TNIK: variants seen among roughly 807,000 people sequenced by gnomAD.
The protein encoded by TNIK is TRAF2 and NCK-interacting protein kinase.
In TNIK, 49 loss-of-function variants were observed where a neutral mutation model predicts 191.3. The ratio of observed to expected loss-of-function variants is 0.26; its 90% CI spans 0.20 to 0.32. TNIK has a LOEUF of 0.32. Ranked by LOEUF, TNIK falls within the 10% of genes least tolerant of loss-of-function variation. The pLI is 1.00. For synonymous variants in TNIK, 594 were observed against 600.9 expected (o/e 0.99, Z 0.17); for missense variants, 1,155 against 1,702.3 (o/e 0.68, Z 5.66).
intron 3 of TNIK, 122 bp downstream of exon 3, chr3:171,228,043 T>A (rs1743162496): frequency 9.1e-7 from 1 of 1,101,792 alleles, no homozygotes; most frequent in Non-Finnish European, 1.3e-6. Context: ...AGGTTATGTG[T>A]ATTAAATGCA....
At chr3:171,132,533 T>C (rs868070652) in intron 15 of TNIK, among the ~76,000 whole-genome samples, 4 of 152,304 alleles carry the variant, frequency 2.6e-5, no homozygotes, top group Middle Eastern at 3.4e-3. Context: ...AACTTAAAAA[T>C]AAATTTGTTA....
At chr3:171,134,450 TTTA>T in intron 15 of TNIK, among the ~76,000 whole-genome samples, 1 of 152,180 alleles carries the variant, frequency 6.6e-6, no homozygotes, top group Non-Finnish European at 1.5e-5. Flanking sequence ...CCAGCTAATT[TTTA>T]TTATTATCTG....
intron 4 of TNIK, among the ~76,000 whole-genome samples, chr3:171,207,658 C>T (rs973587336): frequency 3.9e-5 from 6 of 152,152 alleles, no homozygotes; most frequent in South Asian, 2.1e-4. Flanking sequence ...TCATTCTCTA[C>T]GTGTCATCTG....
At chr3:171,187,411 A>T (rs1232191238) in intron 7 of TNIK, among the ~76,000 whole-genome samples, 1 of 152,168 alleles carries the variant, frequency 6.6e-6, no homozygotes, top group African/African-American at 2.4e-5. Flanking sequence ...ATGGGAGATT[A>T]TTAGGTTTTC....
At chr3:171,229,892 G>GTGTTACCTTGTAAAGAGCCCTGGAACA (rs1743400889) in intron 2 of TNIK, among the ~76,000 whole-genome samples, 2 of 152,180 alleles carry the variant, frequency 1.3e-5, no homozygotes, top group South Asian at 4.1e-4. Context: ...AGAGGATGGC[G>GTGTTACCTTGTAAAGAGCCCTGGAACA]TGTTACCTTG....
At chr3:171,114,496 T>A (rs1166210542) in intron 18 of TNIK, among the ~76,000 whole-genome samples, 2 of 152,212 alleles carry the variant, frequency 1.3e-5, no homozygotes, top group Non-Finnish European at 2.9e-5. Context: ...CCAACTAATT[T>A]CTTTCTGAAA....
intron 21 of TNIK, among the ~76,000 whole-genome samples, chr3:171,102,569 A>AC (rs1723754019): frequency 1.3e-5 from 2 of 152,182 alleles, no homozygotes; most frequent in African/African-American, 2.4e-5. Context: ...GCATGGGTTA[A>AC]ACTGCCCATG....
At chr3:171,296,464 T>C (rs953552548) in intron 2 of TNIK, among the ~76,000 whole-genome samples, 3 of 152,176 alleles carry the variant, frequency 2.0e-5, no homozygotes, top group Non-Finnish European at 2.9e-5. Flanking sequence ...GTTAGTTACA[T>C]TGATTTTAAG....
chr3:171,193,481 C>G (rs1189567420), intron 5 of TNIK, among the ~76,000 whole-genome samples: 1 of 152,098 alleles, frequency 6.6e-6, no homozygotes, highest in Non-Finnish European at 1.5e-5. Flanking sequence ...TTTAATATTT[C>G]TCAGTGATAT....
At chr3:171,194,663 T>C in intron 4 of TNIK, 28 bp from the exon 5 acceptor site, 1 of 1,602,992 alleles carries the variant, frequency 6.2e-7, no homozygotes, top group Non-Finnish European at 8.5e-7. Context: ...CAAGCCATTA[T>C]TTTAATGATG....
At chr3:171,114,598 C>T (rs557017076) in intron 18 of TNIK, among the ~76,000 whole-genome samples, 2 of 152,254 alleles carry the variant, frequency 1.3e-5, no homozygotes, top group South Asian at 2.1e-4. Context: ...CAGTGAAAAA[C>T]GTATGTACAA....
chr3:171,217,422 T>C (rs1741580825), intron 3 of TNIK, among the ~76,000 whole-genome samples: 1 of 152,038 alleles, frequency 6.6e-6, no homozygotes, highest in East Asian at 1.9e-4. Context: ...GGACAAGAGT[T>C]AAAACTGACT....
intron 2 of TNIK, among the ~76,000 whole-genome samples, chr3:171,286,357 CTG>C (rs773278293): frequency 3.3e-5 from 5 of 152,192 alleles, no homozygotes; most frequent in African/African-American, 4.8e-5. Context: ...TCAGGTATCT[CTG>C]GAAGAAGAAG....
At chr3:171,239,068 A>G (rs1227983439) in intron 2 of TNIK, among the ~76,000 whole-genome samples, 3 of 152,218 alleles carry the variant, frequency 2.0e-5, no homozygotes, top group Non-Finnish European at 4.4e-5. Flanking sequence ...ACTGGACACA[A>G]TTCTGGCTAA....
chr3:171,185,379 A>T (rs1045888425), intron 7 of TNIK, among the ~76,000 whole-genome samples: 7 of 152,154 alleles, frequency 4.6e-5, no homozygotes, highest in Admixed American at 3.9e-4. Context: ...AAAGTAGGTT[A>T]AAAAAATAAC....
Position 171,061,734 on chromosome 3 carries a change from A to G in TNIK, c.*2147T>C, listed in dbSNP as rs1043495334. 17 of 152,218 alleles carry G rather than the reference A, an allele frequency of 1.1e-4. 1 individual carries two copies. Among genetic ancestry groups the G allele is most frequent in the South Asian group, 2.1e-4 (1 of 4,834 alleles). 9.4% of individuals were successfully genotyped at this position (152,218 alleles called of 1,614,324 possible). A position where few individuals can be genotyped will look rare whatever the true frequency, so the allele number is the denominator to read the frequency against. The stretch of plus-strand genomic sequence containing the variant: ...TCGGGAGTGAAATCGAAATCAATAT[A>G]TTTTGTCCACATCAGCATCCAATTA... On this transcript the variant is annotated 3_prime_UTR_variant, in exon 33 of 33. Coordinates refer to ENST00000436636, the MANE Select transcript of TNIK (RefSeq NM_015028.4).
chr3:171,443,667 A>T (rs547418942), intron 1 of TNIK, among the ~76,000 whole-genome samples: 80 of 151,312 alleles, frequency 5.3e-4, no homozygotes, highest in African/African-American at 1.3e-3. Context: ...AAAAAAAAAA[A>T]TTTCAAAAAA....
intron 1 of TNIK, among the ~76,000 whole-genome samples, chr3:171,383,052 T>C (rs149689632): frequency 2.0e-4 from 31 of 152,268 alleles, no homozygotes; most frequent in African/African-American, 7.5e-4. Context: ...GTGAAGTAGA[T>C]TGCTCACAAG....
chr3:171,129,022 G>C, intron 15 of TNIK, 144 bp from the exon 16 acceptor site: 1 of 1,301,538 alleles, frequency 7.7e-7, no homozygotes, highest in Non-Finnish European at 1.0e-6. Context: ...ACTCTGTGCT[G>C]CATCAAGAGT....
Sources: allele counts gnomAD v4.1 joint callset (sites outside exome capture counted in the v4.1 genomes callset), GRCh38; gene constraint gnomAD v4.1.1; transcripts MANE v1.5; gene names NCBI Gene and HGNC (gene_info 2026-07-23, HGNC 2026-07-21).